GHR: variants seen among roughly 807,000 people sequenced by gnomAD.
GHR encodes the protein growth hormone receptor.
A neutral mutation model predicts 67.1 loss-of-function variants in GHR; 35 were observed. That is an observed-to-expected ratio of 0.52 (90% CI 0.40 to 0.69). The LOEUF (loss-of-function observed/expected upper bound fraction) is 0.69. GHR is among the 30% of genes least tolerant of loss of function. The pLI, the probability that GHR is intolerant of heterozygous loss-of-function variation, is 0.00. For synonymous variants in GHR, 272 were observed against 269.1 expected (o/e 1.01, Z -0.10); for missense variants, 792 against 764.6 (o/e 1.04, Z -0.42).
chr5:42,680,396 T>C (rs941214902), intron 3 of GHR, among the ~76,000 whole-genome samples: 1 of 152,204 alleles, frequency 6.6e-6, no homozygotes, highest in Non-Finnish European at 1.5e-5. Context: ...GCAGAACCCA[T>C]ATCCACCATA....
intron 2 of GHR, among the ~76,000 whole-genome samples, chr5:42,588,347 G>A (rs1234381485): frequency 2.6e-5 from 4 of 151,488 alleles, no homozygotes; most frequent in African/African-American, 7.3e-5. Context: ...GTGAAACCCC[G>A]TCTCTACTAA....
intron 3 of GHR, among the ~76,000 whole-genome samples, chr5:42,679,153 A>C (rs1208422040): frequency 6.9e-6 from 1 of 145,496 alleles, no homozygotes. Context: ...TATATTGTAT[A>C]TTATATATTA....
chr5:42,605,237 G>A (rs1752573081), intron 2 of GHR, among the ~76,000 whole-genome samples: 1 of 151,570 alleles, frequency 6.6e-6, no homozygotes, highest in Non-Finnish European at 1.5e-5. Flanking sequence ...CCGAGTAGCT[G>A]GGATTACAGG....
chr5:42,510,842 T>C (rs1746985566), intron 1 of GHR, among the ~76,000 whole-genome samples: 1 of 152,196 alleles, frequency 6.6e-6, no homozygotes, highest in Non-Finnish European at 1.5e-5. Context: ...GGCGTATTTC[T>C]TGGGAGACAC....
At chr5:42,657,935 T>C (rs1054238357) in intron 3 of GHR, among the ~76,000 whole-genome samples, 3 of 152,186 alleles carry the variant, frequency 2.0e-5, no homozygotes, top group Non-Finnish European at 4.4e-5. Context: ...GCTTATTTCA[T>C]AGGTATAAGT....
At chr5:42,502,504 A>G (rs1020707111) in intron 1 of GHR, among the ~76,000 whole-genome samples, 3 of 152,154 alleles carry the variant, frequency 2.0e-5, no homozygotes, top group African/African-American at 4.8e-5. Context: ...TTGCCTAATC[A>G]TATTTAGAAA....
chr5:42,576,080 AAAATAAAATAAAATAAAAT>A (rs1561135528), intron 2 of GHR, among the ~76,000 whole-genome samples: 6 of 96,574 alleles, frequency 6.2e-5, no homozygotes, highest in East Asian at 2.2e-4. Flanking sequence ...AAAATAAAAT[AAAATAAAATAAAATAAAAT>A]AAATAAAATA....
At position 42,541,095 on chromosome 5, in the gene GHR, T is replaced by G. The variant is rs1748497262; in HGVS notation, c.-11-24769T>G. ...GTTCATTCACCTAATAAATTCTTAT[T>G]GCATGCCTTGTGTTTTCCTGCTATT... On this transcript the variant is annotated intron_variant, in intron 1 of 9. Coordinates refer to ENST00000230882, the MANE Select transcript of GHR (RefSeq NM_000163.5). Among the ~76,000 whole-genome samples, 4 of 152,294 alleles carry G rather than the reference T, an allele frequency of 2.6e-5. No homozygotes were observed. In the South Asian group the frequency reaches 8.3e-4, roughly 32 times the overall value.
intron 3 of GHR, among the ~76,000 whole-genome samples, chr5:42,683,642 A>T (rs923154228): frequency 7.6e-5 from 11 of 144,182 alleles, no homozygotes; most frequent in South Asian, 2.2e-4. Context: ...CATAAAATTT[A>T]AAAAAGCCGG....
At chr5:42,456,392 A>T (rs1241483959) in intron 1 of GHR, among the ~76,000 whole-genome samples, 1 of 152,196 alleles carries the variant, frequency 6.6e-6, no homozygotes, top group Admixed American at 6.5e-5. Context: ...CTCTCAGGTG[A>T]TATATTTCTG....
chr5:42,719,562 C>T lies in GHR; in HGVS notation c.*138C>T, dbSNP rs1321140216. On this transcript the variant is annotated 3_prime_UTR_variant, in exon 10 of 10. Transcript: ENST00000230882. ...GTATGGATTCTAAAATGCCTTTTCCCAAAATGTTGAAATATGATGTTAAAA... is the reference window on the plus strand; with the variant it reads ...GTATGGATTCTAAAATGCCTTTTCCTAAAATGTTGAAATATGATGTTAAAA... 6.3e-6 allele frequency: 5 copies of T among 794,130 alleles called. No homozygotes were observed. In the Admixed American group the frequency reaches 9.0e-5, roughly 14 times the overall value. 49.2% of individuals were successfully genotyped at this position (794,130 alleles called of 1,614,324 possible). A position where few individuals can be genotyped will look rare whatever the true frequency, so the allele number is the denominator to read the frequency against.
Position 42,720,921 on chromosome 5 carries a change from TTTG to T in GHR, c.*1516_*1518del, listed in dbSNP as rs398064766. 109,980 of 150,940 alleles carry T rather than the reference TTTG, an allele frequency of 0.73. 40,849 individuals are homozygous for T. The highest frequency in any genetic ancestry group is 1 in the East Asian group (5,103 of 5,114). 9.4% of individuals were successfully genotyped at this position (150,940 alleles called of 1,614,324 possible). A position where few individuals can be genotyped will look rare whatever the true frequency, so the allele number is the denominator to read the frequency against. ...CTTAATATCCTAAACATCATTCATT[TTTG>T]TTGTTGTTGTTGTTGTTGAGACAGA... On this transcript the variant is annotated 3_prime_UTR_variant, in exon 10 of 10. Transcript: ENST00000230882.
intron 8 of GHR, among the ~76,000 whole-genome samples, chr5:42,714,516 G>A (rs1181998389): frequency 2.0e-5 from 3 of 152,136 alleles, no homozygotes; most frequent in African/African-American, 4.8e-5. Flanking sequence ...ACAGAATTTT[G>A]TTAGGAAGAA....
intron 1 of GHR, among the ~76,000 whole-genome samples, chr5:42,515,851 T>A (rs1000037458): frequency 1.3e-5 from 2 of 152,242 alleles, no homozygotes; most frequent in African/African-American, 4.8e-5. Context: ...TGAAATTAGT[T>A]CCTTAGGTAT....
intron 1 of GHR, among the ~76,000 whole-genome samples, chr5:42,470,860 A>G (rs922234968): frequency 6.6e-6 from 1 of 152,090 alleles, no homozygotes; most frequent in African/African-American, 2.4e-5. Flanking sequence ...CTGTGACTGC[A>G]TTGCCTTCCA....
intron 1 of GHR, among the ~76,000 whole-genome samples, chr5:42,477,420 A>G (rs1745387833): frequency 6.6e-6 from 1 of 152,160 alleles, no homozygotes; most frequent in African/African-American, 2.4e-5. Context: ...GCAGGTTCAA[A>G]TGGTATTTTT....
chr5:42,715,662 T>C (rs552774508), intron 8 of GHR, among the ~76,000 whole-genome samples: 139 of 152,310 alleles, frequency 9.1e-4, no homozygotes, highest in African/African-American at 3.2e-3. Flanking sequence ...AAATTCAGCC[T>C]ACAGATTCAT....
intron 2 of GHR, among the ~76,000 whole-genome samples, chr5:42,585,180 C>G (rs934970834): frequency 5.9e-5 from 9 of 152,166 alleles, no homozygotes; most frequent in African/African-American, 1.9e-4. Flanking sequence ...AATTAAATAG[C>G]TATTGGTAGG....
At chr5:42,681,155 A>G (rs1281911972) in intron 3 of GHR, among the ~76,000 whole-genome samples, 1 of 152,124 alleles carries the variant, frequency 6.6e-6, no homozygotes, top group African/African-American at 2.4e-5. Flanking sequence ...AAAAGAAACT[A>G]CCAGCAGAGT....
Sources: gnomAD v4.1 joint callset for allele counts (sites outside exome capture counted in the v4.1 genomes callset) on GRCh38, gnomAD v4.1.1 for gene constraint, MANE v1.5 for transcripts, NCBI Gene and HGNC (gene_info 2026-07-23, HGNC 2026-07-21) for gene names.